BRAF: variants seen among roughly 807,000 people sequenced by gnomAD.
The protein encoded by BRAF is serine/threonine-protein kinase B-raf.
A neutral mutation model predicts 104.6 loss-of-function variants in BRAF; 16 were observed. That is an observed-to-expected ratio of 0.15 (90% CI 0.10 to 0.23). BRAF has a LOEUF of 0.23. Among genes scored for constraint, BRAF ranks in the 10% least tolerant of loss-of-function variants. BRAF has a pLI of 1.00. For synonymous variants in BRAF, 310 were observed against 341.6 expected, an observed-to-expected ratio of 0.91 and a Z score of 1.02; for missense variants, 541 against 937.3, an observed-to-expected ratio of 0.58 and a Z score of 5.52.
intron 5 of BRAF, among the ~76,000 whole-genome samples, chr7:140,806,533 T>C (rs1227573627): frequency 6.6e-6 from 1 of 152,200 alleles, no homozygotes; most frequent in Non-Finnish European, 1.5e-5. Context: ...AGGACCTTCC[T>C]GAGGCATCAT....
intron 3 of BRAF, among the ~76,000 whole-genome samples, chr7:140,815,749 G>A (rs1226931663): frequency 6.6e-6 from 1 of 151,748 alleles, no homozygotes; most frequent in African/African-American, 2.4e-5. Context: ...TTACAATATT[G>A]TTTTAAAGAA....
At chr7:140,861,985 T>C (rs911735707) in intron 1 of BRAF, among the ~76,000 whole-genome samples, 1 of 152,212 alleles carries the variant, frequency 6.6e-6, no homozygotes, top group African/African-American at 2.4e-5. Context: ...GCCTTAAGCC[T>C]GCCTCTTAAA....
downstream of BRAF, among the ~76,000 whole-genome samples, chr7:140,714,387 A>C (rs1795091456): frequency 1.3e-5 from 2 of 152,130 alleles, no homozygotes; most frequent in Non-Finnish European, 2.9e-5. Context: ...TATTTTGTAG[A>C]GATAGGGTCT....
At chr7:140,909,307 C>T (rs1477808673) in intron 1 of BRAF, among the ~76,000 whole-genome samples, 2 of 152,120 alleles carry the variant, frequency 1.3e-5, no homozygotes, top group Non-Finnish European at 2.9e-5. Context: ...TGCCTGTAAT[C>T]CCAGCTACTT....
chr7:140,882,993 C>T (rs1179475178), intron 1 of BRAF, among the ~76,000 whole-genome samples: 1 of 147,882 alleles, frequency 6.8e-6, no homozygotes, highest in Admixed American at 6.7e-5. Context: ...AACTCCATCT[C>T]AAAAAATAAA....
intron 7 of BRAF, chr7:140,799,480 C>G (rs1802860156): frequency 4.3e-6 from 1 of 232,074 alleles, no homozygotes; most frequent in African/African-American, 2.2e-5. Context: ...TCTGGTTTTA[C>G]ACATGGTAGT....
At chr7:140,873,597 T>C (rs1197761592) in intron 1 of BRAF, among the ~76,000 whole-genome samples, 1 of 151,996 alleles carries the variant, frequency 6.6e-6, no homozygotes, top group African/African-American at 2.4e-5. Context: ...TGATTTGGAG[T>C]GCTGTGAATT....
At chr7:140,763,532 A>G (rs1799002100) in intron 14 of BRAF, among the ~76,000 whole-genome samples, 1 of 152,254 alleles carries the variant, frequency 6.6e-6, no homozygotes, top group Non-Finnish European at 1.5e-5. Flanking sequence ...GGATCAACAA[A>G]ATTGATAGAC....
At chr7:140,811,313 G>A (rs1468489706) in intron 3 of BRAF, among the ~76,000 whole-genome samples, 1 of 152,140 alleles carries the variant, frequency 6.6e-6, no homozygotes, top group African/African-American at 2.4e-5. Context: ...AGATCTGCAG[G>A]CAGAGGATGT....
intron 14 of BRAF, among the ~76,000 whole-genome samples, chr7:140,759,068 G>T (rs934268890): frequency 2.0e-5 from 3 of 152,222 alleles, no homozygotes; most frequent in African/African-American, 7.2e-5. Context: ...TTCACGCACT[G>T]GCTGCATGCA....
intron 19 of BRAF, chr7:140,732,129 C>CCA (rs1490213183): frequency 1.6e-5 from 2 of 121,708 alleles, no homozygotes; most frequent in African/African-American, 6.3e-5. Context: ...CGAGATCCCG[C>CCA]CACTGCACTC....
chr7:140,749,520 CCTGT>C (rs1428537334), intron 16 of BRAF, 102 bp from the exon 16 acceptor site: 20 of 1,249,980 alleles, frequency 1.6e-5, no homozygotes, highest in East Asian at 2.4e-5. Context: ...CATTAAAACA[CCTGT>C]CTAATATGTA....
chr7:140,874,818 A>G (rs1364922628), intron 1 of BRAF, among the ~76,000 whole-genome samples: 3 of 152,186 alleles, frequency 2.0e-5, no homozygotes, highest in African/African-American at 7.2e-5. Flanking sequence ...TGATGGGAGA[A>G]AATTGGATCA....
intron 3 of BRAF, among the ~76,000 whole-genome samples, chr7:140,813,113 G>T (rs1804462126): frequency 6.6e-6 from 1 of 152,010 alleles, no homozygotes; most frequent in Non-Finnish European, 1.5e-5. Context: ...GAAGTAAAAA[G>T]ACAGTACAAA....
intron 1 of BRAF, among the ~76,000 whole-genome samples, chr7:140,902,829 GA>G (rs1815810285): frequency 6.6e-6 from 1 of 150,804 alleles, no homozygotes; most frequent in Non-Finnish European, 1.5e-5. Flanking sequence ...CTGATATAAA[GA>G]AAGTTTTAGT....
chr7:140,757,947 G>A (rs758903637), intron 14 of BRAF, among the ~76,000 whole-genome samples: 12 of 152,288 alleles, frequency 7.9e-5, no homozygotes, highest in Non-Finnish European at 1.2e-4. Context: ...AGAAAACAAT[G>A]AGAGATTATC....
intron 3 of BRAF, 21 bp downstream of exon 3, chr7:140,834,588 G>T (rs1355592547): frequency 6.2e-7 from 1 of 1,613,628 alleles, no homozygotes; most frequent in South Asian, 1.1e-5. Flanking sequence ...CAGCAAAATG[G>T]TGATATTAAA....
intron 1 of BRAF, among the ~76,000 whole-genome samples, chr7:140,870,013 G>A (rs1811402042): frequency 6.6e-6 from 1 of 152,182 alleles, no homozygotes; most frequent in Non-Finnish European, 1.5e-5. Flanking sequence ...AAGAGGGCAA[G>A]GGGGAAAGGA....
intron 1 of BRAF, among the ~76,000 whole-genome samples, chr7:140,880,116 A>G (rs558978798): frequency 5.9e-5 from 9 of 152,274 alleles, no homozygotes; most frequent in African/African-American, 1.2e-4. Context: ...ACCAGGCAAT[A>G]TGGTCTGATA....
Sources: allele counts gnomAD v4.1 joint callset (sites outside exome capture counted in the v4.1 genomes callset), GRCh38; gene constraint gnomAD v4.1.1; transcripts MANE v1.5; gene names NCBI Gene and HGNC (gene_info 2026-07-23, HGNC 2026-07-21).